Variants in GRM7 observed in about 807,000 individuals in gnomAD.
The protein encoded by GRM7 is metabotropic glutamate receptor 7.
GRM7 carries 35 observed loss-of-function variants against 84.5 expected under a neutral mutation model. The ratio of observed to expected loss-of-function variants is 0.41; its 90% CI spans 0.32 to 0.55. The LOEUF (loss-of-function observed/expected upper bound fraction) is 0.55. Ranked by LOEUF, GRM7 falls within the 20% of genes least tolerant of loss-of-function variation. GRM7 has a pLI of 0.19. For missense variants in GRM7, 1,003 were observed against 1,194.6 expected, an observed-to-expected ratio of 0.84 and a Z score of 2.36; for synonymous variants, 487 against 455.1, an observed-to-expected ratio of 1.07 and a Z score of -0.89.
chr3:7,391,388 G>A, intron 4 of GRM7, among the ~76,000 whole-genome samples: 1 of 152,116 alleles, frequency 6.6e-6, no homozygotes, highest in African/African-American at 2.4e-5. Context: ...CATAAAAAAG[G>A]ATGAGTTCAT....
rs747820741 is a variant in GRM7, at chr3:7,667,280, AAGAGAG to A, written c.2452-12755_2452-12750del. The stretch of plus-strand genomic sequence containing the variant: ...GAGACCCTGTCTGTTAAAAAAAAAA[AAGAGAG>A]AGAGAGAGAGAGAAAAGATAAGCAT... On this transcript the variant is annotated intron_variant, in intron 8 of 9. Coordinates refer to ENST00000357716, the MANE Select transcript of GRM7 (RefSeq NM_000844.4). 4.0e-5 allele frequency among the ~76,000 whole-genome samples: 6 copies of A among 148,908 alleles called. No homozygotes were observed. The East Asian group carries it at 7.8e-4, about 19-fold the overall frequency.
At chr3:7,729,767 G>C (rs753946661) in intron 9 of GRM7, among the ~76,000 whole-genome samples, 2 of 151,636 alleles carry the variant, frequency 1.3e-5, no homozygotes, top group Non-Finnish European at 2.9e-5. Flanking sequence ...GTGCAATGGC[G>C]CAATCTCGGC....
intron 1 of GRM7, among the ~76,000 whole-genome samples, chr3:7,028,521 C>A (rs1348198383): frequency 1.3e-5 from 2 of 152,036 alleles, no homozygotes. Context: ...AGACAGAGTA[C>A]CAGATTTATC....
chr3:7,593,969 G>A (rs1456016897), intron 8 of GRM7, among the ~76,000 whole-genome samples: 1 of 151,890 alleles, frequency 6.6e-6, no homozygotes, highest in East Asian at 1.9e-4. Flanking sequence ...CACTGAAAGT[G>A]ATTTACTCAC....
At chr3:7,668,530 C>T (rs1440637318) in intron 8 of GRM7, among the ~76,000 whole-genome samples, 1 of 152,150 alleles carries the variant, frequency 6.6e-6, no homozygotes, top group Non-Finnish European at 1.5e-5. Context: ...GAGAACTTGC[C>T]TAACAGAACA....
chr3:7,028,040 G>A (rs543203716), intron 1 of GRM7, among the ~76,000 whole-genome samples: 1 of 146,782 alleles, frequency 6.8e-6, no homozygotes, highest in South Asian at 2.1e-4. Flanking sequence ...TATCTAACAT[G>A]ATTCTACTTA....
intron 9 of GRM7, among the ~76,000 whole-genome samples, chr3:7,722,726 G>GCCA: frequency 6.6e-6 from 1 of 152,146 alleles, no homozygotes; most frequent in South Asian, 2.1e-4. Flanking sequence ...ACAGGTGTGA[G>GCCA]CCACCACGCC....
At chr3:7,403,088 A>T in intron 4 of GRM7, 1 of 411,848 alleles carries the variant, frequency 2.4e-6, no homozygotes, top group Non-Finnish European at 4.9e-6. Flanking sequence ...GTTCTTCTAT[A>T]GTTATTAAAA....
intron 4 of GRM7, among the ~76,000 whole-genome samples, chr3:7,368,577 T>G (rs1431872248): frequency 6.6e-6 from 1 of 152,152 alleles, no homozygotes; most frequent in Non-Finnish European, 1.5e-5. Flanking sequence ...GTTTTATTTG[T>G]TTTATGGTAT....
intron 1 of GRM7, among the ~76,000 whole-genome samples, chr3:7,074,469 C>A (rs1389299904): frequency 6.6e-6 from 1 of 152,126 alleles, no homozygotes; most frequent in African/African-American, 2.4e-5. Flanking sequence ...CCATGAATTT[C>A]TTCTAGTCTG....
intron 5 of GRM7, among the ~76,000 whole-genome samples, chr3:7,427,319 T>TA (rs1289123896): frequency 6.6e-6 from 1 of 152,210 alleles, no homozygotes; most frequent in Non-Finnish European, 1.5e-5. Flanking sequence ...TTGATCATTG[T>TA]TACGTTCAGT....
At chr3:7,100,029 A>G (rs945789471) in intron 1 of GRM7, among the ~76,000 whole-genome samples, 1 of 149,152 alleles carries the variant, frequency 6.7e-6, no homozygotes, top group African/African-American at 2.4e-5. Flanking sequence ...ATATACATAT[A>G]TATGCATATG....
At chr3:7,386,179 C>A (rs1694779313) in intron 4 of GRM7, among the ~76,000 whole-genome samples, 3 of 152,070 alleles carry the variant, frequency 2.0e-5, no homozygotes. Flanking sequence ...TTTTTTTGAT[C>A]TAGATGTTTG....
intron 7 of GRM7, among the ~76,000 whole-genome samples, chr3:7,563,385 G>A (rs1386131533): frequency 1.3e-5 from 2 of 152,044 alleles, no homozygotes; most frequent in Non-Finnish European, 2.9e-5. Flanking sequence ...TCTGCCCCAG[G>A]TTCCATATTA....
chr3:7,516,739 G>T (rs1296985502), intron 7 of GRM7, among the ~76,000 whole-genome samples: 1 of 152,084 alleles, frequency 6.6e-6, no homozygotes, highest in African/African-American at 2.4e-5. Flanking sequence ...GGGGCACACT[G>T]GCTAGTTCTT....
chr3:6,996,463 T>C (rs547275264), intron 1 of GRM7, among the ~76,000 whole-genome samples: 2 of 152,312 alleles, frequency 1.3e-5, no homozygotes, highest in African/African-American at 4.8e-5. Context: ...AAAGTGTGAT[T>C]GTTATGTCAG....
chr3:7,256,969 T>A (rs970190752), intron 2 of GRM7, among the ~76,000 whole-genome samples: 9 of 152,184 alleles, frequency 5.9e-5, no homozygotes, highest in Admixed American at 2.0e-4. Context: ...GTAGAAAAGA[T>A]GAGAATTTCA....
intron 1 of GRM7, among the ~76,000 whole-genome samples, chr3:7,133,449 A>G (rs1441140595): frequency 6.6e-6 from 1 of 152,210 alleles, no homozygotes; most frequent in Non-Finnish European, 1.5e-5. Context: ...AGGCCAGGGT[A>G]CTGCCACAGA....
In GRM7 at chr3:7,452,638, T is replaced by C. The variant is rs1697821121; in HGVS notation, c.1206T>C (p.Tyr402=). The C allele has an allele frequency of 1.2e-6, 2 of 1,612,564 alleles. No homozygotes were observed. The change falls in exon 6 of 10, where the codon TAT becomes TAC. Residue 402 remains tyrosine, a synonymous_variant. Transcript: ENST00000357716. Reference sequence around the variant, plus strand: ...AGAGAATTGGAAAAGATTCCAACTATGAGCAGGAGGGTAAAGTCCAGTTCG... The same window carrying C: ...AGAGAATTGGAAAAGATTCCAACTACGAGCAGGAGGGTAAAGTCCAGTTCG... ...GQERIGKDSN[Y]EQEGKVQFVI...
Sources: allele counts gnomAD v4.1 joint callset (sites outside exome capture counted in the v4.1 genomes callset), GRCh38; gene constraint gnomAD v4.1.1; transcripts MANE v1.5; gene names NCBI Gene and HGNC (gene_info 2026-07-23, HGNC 2026-07-21).